PKP2: variants seen among roughly 807,000 people sequenced by gnomAD.
PKP2 encodes the protein plakophilin 2.
A neutral mutation model predicts 83.4 loss-of-function variants in PKP2; 73 were observed. That is an observed-to-expected ratio of 0.88 (90% CI 0.72 to 1.06). PKP2 has a LOEUF of 1.06. Ranked by LOEUF, PKP2 falls within the 50% of genes least tolerant of loss-of-function variation. The pLI is 0.00. For synonymous variants in PKP2, 409 were observed against 430.4 expected (o/e 0.95, Z 0.62); for missense variants, 966 against 1,065.4 (o/e 0.91, Z 1.30).
At chr12:32,850,203 T>C (rs1263453614) in intron 5 of PKP2, among the ~76,000 whole-genome samples, 2 of 152,226 alleles carry the variant, frequency 1.3e-5, no homozygotes, top group Non-Finnish European at 2.9e-5. Flanking sequence ...GCATAGAGTT[T>C]CTAATTAAGA....
intron 4 of PKP2, among the ~76,000 whole-genome samples, chr12:32,862,328 G>C (rs1315411430): frequency 3.3e-5 from 5 of 152,168 alleles, no homozygotes; most frequent in African/African-American, 1.2e-4. Context: ...TGCTGGTGAT[G>C]AACTAAAATA....
chr12:32,834,799 A>T (rs1298309974), intron 6 of PKP2, among the ~76,000 whole-genome samples: 1 of 152,208 alleles, frequency 6.6e-6, no homozygotes, highest in Non-Finnish European at 1.5e-5. Flanking sequence ...CAGCAATTTC[A>T]GACTTCTCCC....
chr12:32,808,790 G>C (rs1189093911), intron 9 of PKP2, among the ~76,000 whole-genome samples: 3 of 152,140 alleles, frequency 2.0e-5, no homozygotes, highest in Non-Finnish European at 4.4e-5. Flanking sequence ...GGGCTGCTGT[G>C]GTTTGTTGGG....
intron 11 of PKP2, among the ~76,000 whole-genome samples, chr12:32,794,755 A>G (rs764919783): frequency 1.2e-4 from 18 of 152,224 alleles, no homozygotes; most frequent in Non-Finnish European, 2.4e-4. Context: ...CTCTAATACT[A>G]TCTGCCAGCC....
At chr12:32,808,152 A>T (rs999786522) in intron 9 of PKP2, among the ~76,000 whole-genome samples, 12 of 152,156 alleles carry the variant, frequency 7.9e-5, no homozygotes, top group African/African-American at 2.9e-4. Context: ...TGTCTCCTTC[A>T]GGTACCCCAG....
chr12:32,889,554 C>CAT (rs1328171709), intron 1 of PKP2, among the ~76,000 whole-genome samples: 1 of 152,188 alleles, frequency 6.6e-6, no homozygotes, highest in Non-Finnish European at 1.5e-5. Flanking sequence ...ATTACCTGTA[C>CAT]ATTAGAAATA....
intron 10 of PKP2, among the ~76,000 whole-genome samples, chr12:32,801,627 A>G (rs1263849711): frequency 6.6e-6 from 1 of 152,220 alleles, no homozygotes; most frequent in African/African-American, 2.4e-5. Context: ...TATTGTTTAT[A>G]ATTTTTGTGA....
At chr12:32,890,759 G>A (rs12820504) in intron 1 of PKP2, among the ~76,000 whole-genome samples, 2 of 152,040 alleles carry the variant, frequency 1.3e-5, no homozygotes, top group African/African-American at 4.8e-5. Flanking sequence ...AGGAGTTCGA[G>A]ACCATCCTGG....
At chr12:32,809,706 T>C (rs898267478) in intron 9 of PKP2, among the ~76,000 whole-genome samples, 1 of 152,182 alleles carries the variant, frequency 6.6e-6, no homozygotes, top group Admixed American at 6.5e-5. Context: ...AAGGCCCTGG[T>C]AGCGTGGGCT....
intron 6 of PKP2, among the ~76,000 whole-genome samples, chr12:32,826,573 T>A (rs1956444249): frequency 6.6e-6 from 1 of 152,204 alleles, no homozygotes; most frequent in African/African-American, 2.4e-5. Flanking sequence ...CTGATTCTCA[T>A]TTGACCCTTC....
intron 9 of PKP2, among the ~76,000 whole-genome samples, chr12:32,803,789 C>G (rs898750103): frequency 6.6e-6 from 1 of 152,108 alleles, no homozygotes; most frequent in Admixed American, 6.5e-5. Flanking sequence ...GCCTAGAGGT[C>G]ATTTTATCCA....
intron 5 of PKP2, among the ~76,000 whole-genome samples, chr12:32,845,961 A>T (rs571662860): frequency 5.3e-5 from 8 of 152,228 alleles, no homozygotes; most frequent in Non-Finnish European, 1.0e-4. Flanking sequence ...GCGGAATAAA[A>T]TAATATACAA....
intron 4 of PKP2, among the ~76,000 whole-genome samples, chr12:32,864,024 G>A (rs558411764): frequency 6.6e-6 from 1 of 151,474 alleles, no homozygotes; most frequent in Admixed American, 6.6e-5. Context: ...TACCATAATG[G>A]CAAAATTAAA....
chr12:32,871,948 C>T (rs938813155), intron 3 of PKP2, among the ~76,000 whole-genome samples: 12 of 152,146 alleles, frequency 7.9e-5, no homozygotes, highest in Non-Finnish European at 1.2e-4. Context: ...AGCATTCCCC[C>T]GTTCCAACTC....
chr12:32,887,459 C>CA (rs1173798645), intron 1 of PKP2, among the ~76,000 whole-genome samples: 2 of 152,162 alleles, frequency 1.3e-5, no homozygotes, highest in Non-Finnish European at 2.9e-5. Flanking sequence ...GTCCCCCTCC[C>CA]ACTTTTTTTA....
At chr12:32,863,841 C>T (rs1291483331) in intron 4 of PKP2, among the ~76,000 whole-genome samples, 1 of 152,084 alleles carries the variant, frequency 6.6e-6, no homozygotes, top group Non-Finnish European at 1.5e-5. Flanking sequence ...TAGTATTACC[C>T]ACAACTCAAA....
At chr12:32,856,314 A>C (rs1000775810) in intron 4 of PKP2, among the ~76,000 whole-genome samples, 1 of 152,172 alleles carries the variant, frequency 6.6e-6, no homozygotes, top group Non-Finnish European at 1.5e-5. Context: ...GCTGTGAAGC[A>C]TGAGACTATT....
intron 3 of PKP2, among the ~76,000 whole-genome samples, chr12:32,872,919 G>A (rs1956906287): frequency 6.6e-6 from 1 of 152,168 alleles, no homozygotes; most frequent in South Asian, 2.1e-4. Flanking sequence ...AGAGTTGAAA[G>A]AGATGAAAAA....
At chr12:32,836,989 A>G (rs188389167) in intron 6 of PKP2, among the ~76,000 whole-genome samples, 178 of 152,278 alleles carry the variant, frequency 1.2e-3, no homozygotes, top group African/African-American at 4.2e-3. Context: ...CTACAATGCC[A>G]TCTCCTACCT....
Sources: gnomAD v4.1 joint callset for allele counts (sites outside exome capture counted in the v4.1 genomes callset) on GRCh38, gnomAD v4.1.1 for gene constraint, MANE v1.5 for transcripts, NCBI Gene and HGNC (gene_info 2026-07-23, HGNC 2026-07-21) for gene names.